The following FHIT variants were observed in gnomAD, a reference collection of about 807,000 sequenced individuals.
FHIT encodes the protein bis(5'-adenosyl)-triphosphatase.
In FHIT, 19 loss-of-function variants were observed where a neutral mutation model predicts 17.9. The observed-to-expected ratio is 1.06, with a 90% confidence interval of 0.74 to 1.56. The LOEUF is 1.56. Ranked by LOEUF, FHIT falls within the 40% of genes most tolerant of loss-of-function variation. FHIT has a pLI of 0.00. For missense variants in FHIT, 248 were observed against 189.2 expected (o/e 1.31, Z -1.82); for synonymous variants, 81 against 69.7 (o/e 1.16, Z -0.81).
intron 8 of FHIT, among the ~76,000 whole-genome samples, chr3:59,777,875 A>G (rs1008334180): frequency 1.3e-5 from 2 of 152,134 alleles, no homozygotes; most frequent in Non-Finnish European, 2.9e-5. Flanking sequence ...CTCTGCTTAG[A>G]AAACTCTCTA....
chr3:60,441,765 T>A (rs1204055770), intron 5 of FHIT, among the ~76,000 whole-genome samples: 2 of 20,520 alleles, frequency 9.7e-5, no homozygotes, highest in Non-Finnish European at 4.2e-4. Flanking sequence ...AAAATATATA[T>A]ATATTTATAT....
intron 5 of FHIT, among the ~76,000 whole-genome samples, chr3:60,418,415 TATATATATATAC>T (rs1553767535): frequency 0.19 from 13,622 of 71,220 alleles, 2,105 homozygotes; most frequent in Admixed American, 0.25. Flanking sequence ...TATATATATA[TATATATATATAC>T]GTGTATACAC....
intron 4 of FHIT, among the ~76,000 whole-genome samples, chr3:60,578,640 A>G (rs1182665125): frequency 6.6e-6 from 1 of 152,170 alleles, no homozygotes; most frequent in South Asian, 2.1e-4. Context: ...GAGGACATTT[A>G]AAGAATAATT....
At chr3:60,869,376 G>A (rs1221513050) in intron 3 of FHIT, among the ~76,000 whole-genome samples, 1 of 152,150 alleles carries the variant, frequency 6.6e-6, no homozygotes, top group Non-Finnish European at 1.5e-5. Flanking sequence ...GATGCAGCCA[G>A]TTCCCCCCAG....
At chr3:61,188,325 A>G (rs1020907075) in intron 2 of FHIT, among the ~76,000 whole-genome samples, 11 of 152,236 alleles carry the variant, frequency 7.2e-5, no homozygotes, top group Middle Eastern at 3.2e-3. Context: ...TAAACTAGAA[A>G]ATCTAGAAGA....
rs868128130 is a variant in FHIT at position 60,029,899 on chromosome 3, G to C, written c.104-15747C>G. Among the ~76,000 whole-genome samples, 9 of 123,288 alleles carry C rather than the reference G, an allele frequency of 7.3e-5. No individual in the cohort carries two copies. The South Asian group carries it at 1.4e-3, about 20-fold the overall frequency. The allele number at this position is 123,288 out of a possible 152,430, so 80.9% of individuals were successfully genotyped here. A position where few individuals can be genotyped will look rare whatever the true frequency, so the allele number is the denominator to read the frequency against. On this transcript the variant is annotated intron_variant, in intron 5 of 9. Coordinates refer to ENST00000492590, the MANE Select transcript of FHIT (RefSeq NM_002012.4). ...AAGCATTGTGTGTGTGTGTGTGTCT[G>C]TGTGTGTGTGTGTGTGTGTGTGTGT...
intron 8 of FHIT, among the ~76,000 whole-genome samples, chr3:59,921,379 C>A (rs918655619): frequency 6.6e-6 from 1 of 152,132 alleles, no homozygotes; most frequent in Non-Finnish European, 1.5e-5. Flanking sequence ...TTTGATAGAG[C>A]CACATGATAA....
intron 8 of FHIT, among the ~76,000 whole-genome samples, chr3:59,809,043 C>T (rs895964621): frequency 8.5e-5 from 13 of 152,168 alleles, no homozygotes; most frequent in Non-Finnish European, 1.9e-4. Context: ...GTTAGAACTA[C>T]AGTATCAGCC....
chr3:61,042,608 G>A (rs923040506), intron 2 of FHIT, among the ~76,000 whole-genome samples: 6 of 152,094 alleles, frequency 3.9e-5, no homozygotes, highest in Non-Finnish European at 8.8e-5. Flanking sequence ...GGAAGCTGAG[G>A]TGGGCGGATC....
intron 4 of FHIT, among the ~76,000 whole-genome samples, chr3:60,780,402 C>T (rs1553725475): frequency 6.6e-6 from 1 of 152,144 alleles, no homozygotes; most frequent in Non-Finnish European, 1.5e-5. Context: ...CCCAACGTGC[C>T]AGCAAAAGGG....
chr3:59,888,031 T>A (rs1464084057), intron 8 of FHIT, among the ~76,000 whole-genome samples: 2 of 152,204 alleles, frequency 1.3e-5, no homozygotes, highest in African/African-American at 4.8e-5. Flanking sequence ...TTGGGTCTGC[T>A]CAGAGCTTGG....
At chr3:60,542,871 A>C (rs1394576181) in intron 4 of FHIT, among the ~76,000 whole-genome samples, 2 of 152,064 alleles carry the variant, frequency 1.3e-5, no homozygotes, top group African/African-American at 2.4e-5. Context: ...TCTTCTATCG[A>C]CTTTATATTT....
intron 5 of FHIT, among the ~76,000 whole-genome samples, chr3:60,315,880 T>C (rs1709144030): frequency 6.6e-6 from 1 of 152,168 alleles, no homozygotes; most frequent in African/African-American, 2.4e-5. Context: ...TTCCAACTAC[T>C]CAAAGAATTG....
At chr3:60,079,832 G>T (rs1703198716) in intron 5 of FHIT, among the ~76,000 whole-genome samples, 1 of 151,940 alleles carries the variant, frequency 6.6e-6, no homozygotes, top group South Asian at 2.1e-4. Flanking sequence ...ATGAATGCAG[G>T]GAAGGGGGTG....
intron 8 of FHIT, among the ~76,000 whole-genome samples, chr3:59,773,855 G>A (rs112866047): frequency 3.9e-5 from 6 of 152,052 alleles, no homozygotes; most frequent in African/African-American, 7.3e-5. Context: ...CCTGTAAAAC[G>A]GCTTGTCTGA....
intron 7 of FHIT, among the ~76,000 whole-genome samples, chr3:60,006,111 T>C (rs1344047479): frequency 2.0e-5 from 3 of 152,156 alleles, no homozygotes; most frequent in Non-Finnish European, 4.4e-5. Flanking sequence ...TGAAGTACTC[T>C]ATCGATTTGT....
chr3:60,129,079 G>A (rs1422328573), intron 5 of FHIT, among the ~76,000 whole-genome samples: 1 of 101,890 alleles, frequency 9.8e-6, no homozygotes, highest in African/African-American at 4.1e-5. Flanking sequence ...TTGAAACAGA[G>A]TCTTGCTCCA....
At chr3:61,205,303 G>A (rs1440817454) in intron 1 of FHIT, among the ~76,000 whole-genome samples, 1 of 152,052 alleles carries the variant, frequency 6.6e-6, no homozygotes, top group African/African-American at 2.4e-5. Context: ...TGTCTTTATA[G>A]CAGCATGATT....
chr3:59,943,639 T>C (rs1706648978), intron 7 of FHIT, among the ~76,000 whole-genome samples: 1 of 152,192 alleles, frequency 6.6e-6, no homozygotes, highest in Non-Finnish European at 1.5e-5. Context: ...CATGAAGACT[T>C]TGCTACTCTC....
Sources: gnomAD v4.1 joint callset for allele counts (sites outside exome capture counted in the v4.1 genomes callset) on GRCh38, gnomAD v4.1.1 for gene constraint, MANE v1.5 for transcripts, NCBI Gene and HGNC (gene_info 2026-07-23, HGNC 2026-07-21) for gene names.